CALD1: variants seen among roughly 807,000 people sequenced by gnomAD.
CALD1 encodes the protein caldesmon.
In CALD1, 33 loss-of-function variants were observed where a neutral mutation model predicts 99.9. The ratio of observed to expected loss-of-function variants is 0.33; its 90% CI spans 0.25 to 0.44. CALD1 has a LOEUF of 0.44. Among genes scored for constraint, CALD1 ranks in the 20% least tolerant of loss-of-function variants. The pLI, the probability that CALD1 is intolerant of heterozygous loss-of-function variation, is 1.00. For synonymous variants in CALD1, 310 were observed against 325.0 expected (o/e 0.95, Z 0.50); for missense variants, 861 against 962.1 (o/e 0.89, Z 1.39).
chr7:134,734,189 A>G, the CALD1 span, among the ~76,000 whole-genome samples: 1 of 152,218 alleles, frequency 6.6e-6, no homozygotes, highest in African/African-American at 2.4e-5. Flanking sequence ...TCCAGAGGCT[A>G]TCATCAAATT....
intron 1 of CALD1, among the ~76,000 whole-genome samples, chr7:134,826,599 C>T (rs781589120): frequency 5.3e-5 from 8 of 152,028 alleles, no homozygotes; most frequent in Admixed American, 6.6e-5. Flanking sequence ...AACACTGTTG[C>T]CTGAATTCCC....
At chr7:134,819,872 A>G (rs1798705272) in intron 1 of CALD1, among the ~76,000 whole-genome samples, 1 of 123,934 alleles carries the variant, frequency 8.1e-6, no homozygotes, top group Non-Finnish European at 1.8e-5. Flanking sequence ...TGACAATCCC[A>G]TCTCAAAAAC....
intron 1 of CALD1, among the ~76,000 whole-genome samples, chr7:134,831,983 G>C (rs1032937809): frequency 6.6e-6 from 1 of 152,262 alleles, no homozygotes. Context: ...AGAAGGTCGA[G>C]TGTCCCGTAT....
chr7:134,742,053 ACACATTTGTGATGTATGTCTTGGCCC>A (rs1796597037), upstream of CALD1, among the ~76,000 whole-genome samples: 3 of 151,956 alleles, frequency 2.0e-5, no homozygotes, highest in Admixed American at 2.0e-4. Flanking sequence ...ACACAGACAC[ACACATTTGTGATGTATGTCTTGGCCC>A]CACATTACAT....
chr7:134,729,498 G>T, the CALD1 span, among the ~76,000 whole-genome samples: 4 of 152,242 alleles, frequency 2.6e-5, no homozygotes, highest in Admixed American at 6.5e-5. Flanking sequence ...CGGGAGAAGG[G>T]TGTGGCACGC....
chr7:134,864,010 G>A (rs1020345976), intron 2 of CALD1, among the ~76,000 whole-genome samples: 1 of 152,164 alleles, frequency 6.6e-6, no homozygotes, highest in African/African-American at 2.4e-5. Flanking sequence ...CACGCCTCTC[G>A]TCACATCATG....
intron 3 of CALD1, among the ~76,000 whole-genome samples, chr7:134,887,748 G>A (rs1586206083): frequency 3.2e-5 from 1 of 31,468 alleles, no homozygotes; most frequent in Non-Finnish European, 8.4e-5. Context: ...GTGTGTGCAT[G>A]TGTGTCTCTA....
Position 134,965,301 on chromosome 7 carries a change from A to G in CALD1, c.2296-5A>G, listed in dbSNP as rs183591976. The G allele has an allele frequency of 1.8e-3, 2,762 of 1,525,006 alleles. 3 individuals are homozygous for G. Among genetic ancestry groups the G allele is most frequent in the Middle Eastern group, 5.4e-3 (32 of 5,892 alleles). The allele number at this position is 1,525,006 out of a possible 1,614,324, so 94.5% of individuals were successfully genotyped here. On this transcript the variant is annotated splice_region_variant and splice_polypyrimidine_tract_variant and intron_variant, in intron 13 of 14. Coordinates refer to ENST00000361675, the MANE Select transcript of CALD1 (RefSeq NM_033138.4). ...ATCGATGTTTTTCTGCTTCCTTTTT[A>G]TCAGGACTTGAGACCAGGAGACGTA...
chr7:134,719,849 C>T, the CALD1 span, among the ~76,000 whole-genome samples: 1 of 152,212 alleles, frequency 6.6e-6, no homozygotes, highest in Admixed American at 6.5e-5. Flanking sequence ...GTTCAAATCC[C>T]GAAATGTTCA....
At chr7:134,784,649 C>T (rs1797237502) in intron 1 of CALD1, among the ~76,000 whole-genome samples, 1 of 152,140 alleles carries the variant, frequency 6.6e-6, no homozygotes, top group Admixed American at 6.5e-5. Context: ...TGTGAGCAAA[C>T]TTTGGTAGCT....
intron 2 of CALD1, among the ~76,000 whole-genome samples, chr7:134,857,518 C>T (rs1414395897): frequency 7.9e-5 from 12 of 152,066 alleles, no homozygotes; most frequent in Non-Finnish European, 1.6e-4. Flanking sequence ...AGGAAAAGTC[C>T]AGGTATCCCC....
chr7:134,887,279 G>A (rs943988392), intron 3 of CALD1, among the ~76,000 whole-genome samples: 1 of 152,166 alleles, frequency 6.6e-6, no homozygotes, highest in Admixed American at 6.5e-5. Context: ...GGGAGATGCC[G>A]TCGTCTATGA....
intron 1 of CALD1, among the ~76,000 whole-genome samples, chr7:134,808,789 G>A (rs1352603658): frequency 6.6e-6 from 1 of 152,190 alleles, no homozygotes. Context: ...GCTTTCTGGA[G>A]TGTGTACTCC....
chr7:134,739,043 A>G, the CALD1 span, among the ~76,000 whole-genome samples: 2,558 of 152,294 alleles, frequency 0.017, 34 homozygotes, highest in Admixed American at 0.025. Context: ...CAGGCACTCA[A>G]TGCCTGCTGC....
intron 1 of CALD1, among the ~76,000 whole-genome samples, chr7:134,756,203 C>T (rs145061701): frequency 9.2e-5 from 12 of 130,186 alleles, no homozygotes; most frequent in South Asian, 2.5e-4. Context: ...ACCTGGGAGG[C>T]GGAGGTTTCA....
intron 1 of CALD1, among the ~76,000 whole-genome samples, chr7:134,797,580 T>C (rs1249320030): frequency 6.6e-6 from 1 of 152,184 alleles, no homozygotes; most frequent in Admixed American, 6.5e-5. Context: ...AGCAATCATG[T>C]GGGTGGGTTA....
At chr7:134,727,733 T>C in the CALD1 span, among the ~76,000 whole-genome samples, 2 of 152,288 alleles carry the variant, frequency 1.3e-5, no homozygotes, top group South Asian at 4.2e-4. Flanking sequence ...CTGGCCTGTC[T>C]GGGGGTTTGG....
At chr7:134,841,340 T>C (rs1164251761) in intron 1 of CALD1, among the ~76,000 whole-genome samples, 4 of 152,230 alleles carry the variant, frequency 2.6e-5, no homozygotes, top group Admixed American at 1.3e-4. Context: ...AATAATGTGT[T>C]ATTATTACTA....
chr7:134,815,411 C>T (rs1044678791), intron 1 of CALD1, among the ~76,000 whole-genome samples: 1 of 152,090 alleles, frequency 6.6e-6, no homozygotes, highest in Non-Finnish European at 1.5e-5. Context: ...CTTCCCAGTC[C>T]CAGTGCCTCC....
Sources: allele counts gnomAD v4.1 joint callset (sites outside exome capture counted in the v4.1 genomes callset), GRCh38; gene constraint gnomAD v4.1.1; transcripts MANE v1.5; gene names NCBI Gene and HGNC (gene_info 2026-07-23, HGNC 2026-07-21).